KHDRBS2: variants seen among roughly 807,000 people sequenced by gnomAD.
KHDRBS2 encodes KH domain-containing, RNA-binding, signal transduction-associated protein 2.
A neutral mutation model predicts 44.3 loss-of-function variants in KHDRBS2; 26 were observed. That is an observed-to-expected ratio of 0.59 (90% CI 0.43 to 0.81). KHDRBS2 has a LOEUF of 0.81. Among genes scored for constraint, KHDRBS2 ranks in the 40% least tolerant of loss-of-function variants. KHDRBS2 has a pLI of 0.00. For synonymous variants in KHDRBS2, 194 were observed against 151.1 expected (o/e 1.28, Z -2.08); for missense variants, 476 against 433.1 (o/e 1.10, Z -0.88).
intron 7 of KHDRBS2, among the ~76,000 whole-genome samples, chr6:61,702,075 A>G (rs1026197493): frequency 4.6e-5 from 7 of 151,828 alleles, no homozygotes; most frequent in Admixed American, 4.6e-4. Flanking sequence ...AAGAAAGATA[A>G]TCACTCACAT....
At chr6:61,948,882 T>C (rs1441956009) in intron 4 of KHDRBS2, among the ~76,000 whole-genome samples, 2 of 151,838 alleles carry the variant, frequency 1.3e-5, no homozygotes, top group Non-Finnish European at 2.9e-5. Flanking sequence ...AGAATAACAA[T>C]GTGATAAAGC....
At chr6:62,278,921 C>T (rs1380971665) in intron 1 of KHDRBS2, among the ~76,000 whole-genome samples, 9 of 151,790 alleles carry the variant, frequency 5.9e-5, no homozygotes, top group Non-Finnish European at 1.5e-5. Flanking sequence ...GGTGAAACCC[C>T]GTCTCTACTA....
chr6:62,172,936 C>G (rs754867062), intron 2 of KHDRBS2, among the ~76,000 whole-genome samples: 11 of 141,068 alleles, frequency 7.8e-5, no homozygotes, highest in Non-Finnish European at 1.5e-4. Flanking sequence ...ACAACTAAAG[C>G]CTTATTAATA....
At chr6:61,553,301 T>C in the KHDRBS2 span, among the ~76,000 whole-genome samples, 1 of 152,154 alleles carries the variant, frequency 6.6e-6, no homozygotes, top group African/African-American at 2.4e-5. Context: ...GAGGTATTTG[T>C]AGTAGTCTCT....
intron 1 of KHDRBS2, among the ~76,000 whole-genome samples, chr6:62,281,892 T>C (rs1403994002): frequency 6.6e-6 from 1 of 152,188 alleles, no homozygotes; most frequent in Non-Finnish European, 1.5e-5. Flanking sequence ...TTCCACTATA[T>C]CATAAATTGT....
the KHDRBS2 span, among the ~76,000 whole-genome samples, chr6:61,555,400 C>A: frequency 1.3e-5 from 2 of 152,062 alleles, no homozygotes; most frequent in Non-Finnish European, 2.9e-5. Flanking sequence ...CATCTTTCAT[C>A]TTCTGTATCA....
chr6:61,817,390 G>A (rs1277499076), intron 6 of KHDRBS2, among the ~76,000 whole-genome samples: 1 of 151,878 alleles, frequency 6.6e-6, no homozygotes, highest in East Asian at 1.9e-4. Context: ...TTTCATTGCT[G>A]TACCATAGAA....
downstream of KHDRBS2, among the ~76,000 whole-genome samples, chr6:61,675,198 T>C (rs1765858947): frequency 6.6e-6 from 1 of 151,744 alleles, no homozygotes; most frequent in Admixed American, 6.6e-5. Context: ...TAAAAAAGCA[T>C]TGTAGCTTTT....
At chr6:61,959,096 C>A (rs1328580084) in intron 4 of KHDRBS2, among the ~76,000 whole-genome samples, 1 of 152,166 alleles carries the variant, frequency 6.6e-6, no homozygotes, top group African/African-American at 2.4e-5. Flanking sequence ...AATGTTTAAA[C>A]ATTTTACACA....
intron 6 of KHDRBS2, among the ~76,000 whole-genome samples, chr6:61,840,347 G>T (rs756935583): frequency 6.6e-6 from 1 of 152,058 alleles, no homozygotes; most frequent in East Asian, 1.9e-4. Context: ...TATATTTCAA[G>T]ATTCAGCATA....
intron 1 of KHDRBS2, among the ~76,000 whole-genome samples, chr6:62,220,856 A>G (rs1830783657): frequency 1.3e-5 from 2 of 151,330 alleles, no homozygotes; most frequent in South Asian, 4.7e-4. Flanking sequence ...AAATGAAATT[A>G]AAGCTCCAAT....
At chr6:62,257,821 C>T (rs1837646472) in intron 1 of KHDRBS2, among the ~76,000 whole-genome samples, 1 of 151,934 alleles carries the variant, frequency 6.6e-6, no homozygotes, top group Non-Finnish European at 1.5e-5. Flanking sequence ...ATGTACCCTG[C>T]TTTTTTTCCC....
At chr6:61,974,195 C>T (rs2127400670) in intron 4 of KHDRBS2, among the ~76,000 whole-genome samples, 1 of 152,114 alleles carries the variant, frequency 6.6e-6, no homozygotes, top group South Asian at 2.1e-4. Flanking sequence ...TTTGAAGTAA[C>T]ATACTGAGAA....
At chr6:61,973,798 C>T (rs952351648) in intron 4 of KHDRBS2, among the ~76,000 whole-genome samples, 6 of 152,128 alleles carry the variant, frequency 3.9e-5, no homozygotes, top group African/African-American at 1.4e-4. Flanking sequence ...TTTTCAAGTT[C>T]TGTCAACTCT....
intron 2 of KHDRBS2, among the ~76,000 whole-genome samples, chr6:62,171,552 G>A (rs1820007183): frequency 6.6e-6 from 1 of 152,072 alleles, no homozygotes; most frequent in South Asian, 2.1e-4. Flanking sequence ...CTTGCGAGAG[G>A]CCAACATCCA....
At chr6:61,669,903 A>G in the KHDRBS2 span, among the ~76,000 whole-genome samples, 1 of 151,088 alleles carries the variant, frequency 6.6e-6, no homozygotes, top group African/African-American at 2.4e-5. Context: ...CTTATTTTTC[A>G]CTAAGAAACA....
chr6:62,120,202 T>C (rs1584817329), intron 2 of KHDRBS2, among the ~76,000 whole-genome samples: 1 of 152,138 alleles, frequency 6.6e-6, no homozygotes, highest in East Asian at 1.9e-4. Context: ...TGGCCCACTG[T>C]GAATGAGCTG....
chr6:61,886,927 G>A (rs947296361), intron 6 of KHDRBS2, among the ~76,000 whole-genome samples: 1 of 152,138 alleles, frequency 6.6e-6, no homozygotes, highest in Non-Finnish European at 1.5e-5. Flanking sequence ...TCTTCATGCA[G>A]GTATAAATAC....
chr6:61,593,219 C>G, the KHDRBS2 span, among the ~76,000 whole-genome samples: 1 of 152,096 alleles, frequency 6.6e-6, no homozygotes, highest in Non-Finnish European at 1.5e-5. Context: ...TTATAAGTTG[C>G]TATAACAATT....
Sources: gnomAD v4.1 joint callset for allele counts (sites outside exome capture counted in the v4.1 genomes callset) on GRCh38, gnomAD v4.1.1 for gene constraint, MANE v1.5 for transcripts, NCBI Gene and HGNC (gene_info 2026-07-23, HGNC 2026-07-21) for gene names.